TCERG1L: variants seen among roughly 807,000 people sequenced by gnomAD.
The protein encoded by TCERG1L is transcription elongation regulator 1-like protein.
In TCERG1L, 37 loss-of-function variants were observed where a neutral mutation model predicts 56.3. The ratio of observed to expected loss-of-function variants is 0.66; its 90% confidence interval spans 0.51 to 0.87. TCERG1L has a LOEUF of 0.87. Among genes scored for constraint, TCERG1L ranks in the 40% least tolerant of loss-of-function variants. TCERG1L has a pLI of 0.00. For missense variants in TCERG1L, 799 were observed against 774.2 expected (o/e 1.03, Z -0.38); for synonymous variants, 324 against 326.3 (o/e 0.99, Z 0.08).
At chr10:131,174,980 G>A (rs529996885) in intron 4 of TCERG1L, among the ~76,000 whole-genome samples, 11 of 151,716 alleles carry the variant, frequency 7.3e-5, no homozygotes, top group Admixed American at 3.9e-4. Context: ...CCCCACCCCC[G>A]CAATTGGTCT....
intron 3 of TCERG1L, among the ~76,000 whole-genome samples, chr10:131,273,585 C>A (rs545290817): frequency 6.6e-6 from 1 of 152,346 alleles, no homozygotes; most frequent in South Asian, 2.1e-4. Flanking sequence ...TCAGCTTTCC[C>A]GCCTCCATCC....
At chr10:131,204,752 T>C (rs984979489) in intron 4 of TCERG1L, among the ~76,000 whole-genome samples, 10 of 152,226 alleles carry the variant, frequency 6.6e-5, no homozygotes, top group Non-Finnish European at 1.2e-4. Context: ...GAGGCCCCGA[T>C]GGCAGTGGAC....
Position 131,118,638 on chromosome 10 carries a change from C to T in TCERG1L, c.1260-1704G>A, listed in dbSNP as rs183224022. Among the ~76,000 whole-genome samples, 10 of 152,274 alleles carry T rather than the reference C, an allele frequency of 6.6e-5. No homozygotes were observed. Among genetic ancestry groups the T allele is most frequent in the Admixed American group, 4.6e-4 (7 of 15,290 alleles). ...TGAGGTTGGTTCAGCCAAAACCCCC[C>T]GATCCCTGAGGTCTGCTCTTGGTAA... On this transcript the variant is annotated intron_variant, in intron 8 of 11. Coordinates refer to ENST00000368642, the MANE Select transcript of TCERG1L (RefSeq NM_174937.4). The surrounding 1 kb of genome is among the most constrained non-coding windows in gnomAD (Gnocchi z 4.2).
intron 4 of TCERG1L, among the ~76,000 whole-genome samples, chr10:131,255,627 A>G (rs753813151): frequency 1.3e-5 from 2 of 152,158 alleles, no homozygotes; most frequent in African/African-American, 2.4e-5. Flanking sequence ...ATATTTCCAC[A>G]TTTTCTCTTC....
rs566602326 is a variant in TCERG1L at position 131,253,656 on chromosome 10, G to T, written c.856+6603C>A. On this transcript the variant is annotated intron_variant, in intron 4 of 11. Coordinates refer to ENST00000368642, the MANE Select transcript of TCERG1L (RefSeq NM_174937.4). The stretch of plus-strand genomic sequence containing the variant: ...TGGGCTGGGTGGGTGTGCGATGAAG[G>T]TCTGCGGAGTAGGGCAGCCATCTCT... Among the ~76,000 whole-genome samples, 5 of 152,268 alleles carry T rather than the reference G, an allele frequency of 3.3e-5. No homozygotes were observed. In the East Asian group the frequency reaches 9.7e-4, roughly 29 times the overall value.
intron 4 of TCERG1L, among the ~76,000 whole-genome samples, chr10:131,218,380 T>C (rs1402134507): frequency 2.0e-5 from 3 of 152,256 alleles, no homozygotes; most frequent in Non-Finnish European, 4.4e-5. Flanking sequence ...ACAGTGGGCC[T>C]GCAGTCCTTT....
At chr10:131,222,669 G>A (rs141254841) in intron 4 of TCERG1L, among the ~76,000 whole-genome samples, 303 of 152,262 alleles carry the variant, frequency 2.0e-3, no homozygotes, top group Non-Finnish European at 3.3e-3. Context: ...CGAGCCTTTC[G>A]GGATCACCCT....
chr10:131,197,561 G>T (rs1396580745), intron 4 of TCERG1L, among the ~76,000 whole-genome samples: 1 of 151,918 alleles, frequency 6.6e-6, no homozygotes, highest in African/African-American at 2.4e-5. Flanking sequence ...CAAGAAATTA[G>T]CCATGATCGA....
chr10:131,202,992 G>A (rs138656342), intron 4 of TCERG1L, among the ~76,000 whole-genome samples: 26 of 152,286 alleles, frequency 1.7e-4, no homozygotes, highest in Admixed American at 5.9e-4. Context: ...TGAGTGAAGA[G>A]GTTTATTCTG....
intron 3 of TCERG1L, among the ~76,000 whole-genome samples, chr10:131,269,626 G>A (rs1846318689): frequency 6.6e-6 from 1 of 152,168 alleles, no homozygotes; most frequent in Non-Finnish European, 1.5e-5. Context: ...ATCTTATACA[G>A]GTGAAGTTTG....
Position 131,260,413 on chromosome 10 carries a change from G to A in TCERG1L, c.702C>T (p.Ser234=), listed in dbSNP as rs1589764795. ...GGCHNSLKVT[S]SPAIAIATAA... is the part of the protein sequence containing the mutation. ...CGGTGGCGATGGCAATGGCGGGGCTGCTGGTCACCTTAAGGCTGTTATGGC... is the reference window on the plus strand; with the variant it reads ...CGGTGGCGATGGCAATGGCGGGGCTACTGGTCACCTTAAGGCTGTTATGGC... Residue 234 remains serine (S), a synonymous_variant, in exon 4 of 12, where the codon AGC becomes AGT. Transcript: ENST00000368642. The surrounding 1 kb of genome is among the most constrained non-coding windows in gnomAD (Gnocchi z 5.8). The A allele has an allele frequency of 2.7e-6, 4 of 1,463,492 alleles. No individual in the cohort carries two copies. The highest frequency in any genetic ancestry group is 3.3e-5 in the Admixed American group (1 of 30,564). 90.7% of individuals were successfully genotyped at this position (1,463,492 alleles called of 1,614,324 possible).
intron 1 of TCERG1L, among the ~76,000 whole-genome samples, chr10:131,309,833 G>GGAAAAA (rs1846860577): frequency 2.6e-5 from 1 of 38,030 alleles, no homozygotes; most frequent in Non-Finnish European, 5.6e-5. Flanking sequence ...AGATTCTATG[G>GGAAAAA]CAAAAAAAAA....
At chr10:131,175,160 G>A (rs1846135867) in intron 4 of TCERG1L, among the ~76,000 whole-genome samples, 1 of 93,098 alleles carries the variant, frequency 1.1e-5, no homozygotes, top group African/African-American at 4.4e-5. Context: ...CTGCTTCTCT[G>A]ATGAAGGCAG....
At chr10:131,208,839 C>A (rs1187572253) in intron 4 of TCERG1L, among the ~76,000 whole-genome samples, 1 of 152,114 alleles carries the variant, frequency 6.6e-6, no homozygotes, top group Admixed American at 6.5e-5. Context: ...GGACGGATCA[C>A]GAGGTCAGGA....
At chr10:131,214,896 T>C (rs1402879868) in intron 4 of TCERG1L, among the ~76,000 whole-genome samples, 2 of 152,204 alleles carry the variant, frequency 1.3e-5, no homozygotes, top group Non-Finnish European at 2.9e-5. Flanking sequence ...TAAACACTTA[T>C]TCCATGCCAA....
At chr10:131,289,892 TCTC>T (rs1389510182) in intron 3 of TCERG1L, among the ~76,000 whole-genome samples, 1 of 41,872 alleles carries the variant, frequency 2.4e-5, no homozygotes, top group African/African-American at 8.9e-5. Context: ...ACTGCCTCCA[TCTC>T]CTATCGGTGT....
At chr10:131,284,785 A>T (rs1486676668) in intron 3 of TCERG1L, among the ~76,000 whole-genome samples, 3 of 152,168 alleles carry the variant, frequency 2.0e-5, no homozygotes, top group Non-Finnish European at 4.4e-5. Flanking sequence ...GCAAACTTAG[A>T]TGCAAGTATA....
intron 4 of TCERG1L, among the ~76,000 whole-genome samples, chr10:131,174,052 C>A (rs917229751): frequency 2.0e-5 from 3 of 152,134 alleles, no homozygotes; most frequent in Non-Finnish European, 4.4e-5. Flanking sequence ...GGCAGGTGCT[C>A]CCTAGGGGTC....
intron 4 of TCERG1L, among the ~76,000 whole-genome samples, chr10:131,188,303 A>G (rs1166765224): frequency 6.6e-6 from 1 of 152,178 alleles, no homozygotes; most frequent in Non-Finnish European, 1.5e-5. Flanking sequence ...AACACAGTAA[A>G]AACGGGCACG....
Sources: allele counts gnomAD v4.1 joint callset (sites outside exome capture counted in the v4.1 genomes callset), GRCh38; gene constraint gnomAD v4.1.1; non-coding constraint Gnocchi (gnomAD v3.1); transcripts MANE v1.5; gene names NCBI Gene and HGNC (gene_info 2026-07-23, HGNC 2026-07-21).